CAV3: variants seen among roughly 807,000 people sequenced by gnomAD.
The protein encoded by CAV3 is caveolin-3.
Under a neutral mutation model 13.4 loss-of-function variants are expected in CAV3, and 10 were observed. The observed-to-expected ratio is 0.75, with a 90% CI of 0.46 to 1.27. CAV3 has a LOEUF of 1.27. Among genes scored for constraint, CAV3 ranks in the 50% most tolerant of loss-of-function variants. CAV3 has a pLI of 0.00. For missense variants in CAV3, 162 were observed against 194.0 expected, an observed-to-expected ratio of 0.83 and a Z score of 0.98; for synonymous variants, 90 against 79.0, an observed-to-expected ratio of 1.14 and a Z score of -0.74.
At chr3:8,738,849 C>T (rs1707847884) in intron 1 of CAV3, among the ~76,000 whole-genome samples, 1 of 152,214 alleles carries the variant, frequency 6.6e-6, no homozygotes, top group African/African-American at 2.4e-5. Flanking sequence ...CACAGCACTG[C>T]TCCATGGAAG....
rs1270533646 is a variant in CAV3, at chr3:8,746,707, T to C, written c.*840T>C. 1 of 151,936 alleles carries C rather than the reference T, an allele frequency of 6.6e-6. No individual in the cohort carries two copies. Among genetic ancestry groups the C allele is most frequent in the African/African-American group, 2.4e-5 (1 of 41,288 alleles). The allele number at this position is 151,936 out of a possible 1,614,324, so 9.4% of individuals were successfully genotyped here. On this transcript the variant is annotated 3_prime_UTR_variant, in exon 2 of 2. Transcript: ENST00000343849. Reference sequence around the variant, plus strand: ...CAGGAGATGTGACGAAGGAACAAGGTCTAATTTGTGCGTGTGTGGACTCAC... The same window carrying C: ...CAGGAGATGTGACGAAGGAACAAGGCCTAATTTGTGCGTGTGTGGACTCAC...
intron 1 of CAV3, among the ~76,000 whole-genome samples, chr3:8,739,562 A>T (rs67724427): frequency 0.093 from 14,090 of 151,456 alleles, 882 homozygotes; most frequent in Non-Finnish European, 0.14. Flanking sequence ...AGAGGTTGCC[A>T]TGAGCCGAGA....
intron 1 of CAV3, among the ~76,000 whole-genome samples, chr3:8,739,621 C>CAA (rs35987481): frequency 0.014 from 1,709 of 126,388 alleles, 19 homozygotes; most frequent in Non-Finnish European, 0.021. Flanking sequence ...ATTCCTTCTC[C>CAA]AAAAAAAAAA....
chr3:8,734,692 A>G (rs1707689991), intron 1 of CAV3, among the ~76,000 whole-genome samples: 2 of 152,060 alleles, frequency 1.3e-5, no homozygotes, highest in Non-Finnish European at 2.9e-5. Context: ...CACACCTTCA[A>G]TCCAACTTCC....
intron 1 of CAV3, among the ~76,000 whole-genome samples, chr3:8,743,609 T>C (rs568672422): frequency 2.0e-5 from 3 of 151,932 alleles, no homozygotes; most frequent in Non-Finnish European, 2.9e-5. Context: ...CAGCCCAGAG[T>C]CTCACCCTGT....
At chr3:8,742,536 G>A in intron 1 of CAV3, 1 of 455,026 alleles carries the variant, frequency 2.2e-6, no homozygotes, top group Non-Finnish European at 4.4e-6. Flanking sequence ...TAACTAAGTA[G>A]GCTGGAGAAT....
intron 1 of CAV3, among the ~76,000 whole-genome samples, chr3:8,738,645 T>C (rs1324042693): frequency 6.6e-6 from 1 of 152,020 alleles, no homozygotes; most frequent in Non-Finnish European, 1.5e-5. Context: ...ATCATAAAAA[T>C]GAGAAAAATT....
chr3:8,737,050 G>C (rs1466444036), intron 1 of CAV3, among the ~76,000 whole-genome samples: 1 of 152,166 alleles, frequency 6.6e-6, no homozygotes, highest in African/African-American at 2.4e-5. Flanking sequence ...AGACTGTTCA[G>C]CCTCTCAACT....
rs368151958 is a variant in CAV3, at chr3:8,733,831, G to A, written c.-46G>A. The A allele has an allele frequency of 7.9e-5, 95 of 1,203,882 alleles. No individual in the cohort carries two copies. The highest frequency in any genetic ancestry group is 2.9e-4 in the South Asian group (24 of 82,064). The allele number at this position is 1,203,882 out of a possible 1,614,324, so 74.6% of individuals were successfully genotyped here. On this transcript the variant is annotated 5_prime_UTR_variant, in exon 1 of 2. Coordinates refer to ENST00000343849, the MANE Select transcript of CAV3 (RefSeq NM_033337.3). The stretch of plus-strand genomic sequence containing the variant: ...GCCCCAAGTATTTTCAGCCCCAGCC[G>A]GCCACACAGCTCGGATCTCCTCCTG...
At chr3:8,737,416 A>G (rs1707795059) in intron 1 of CAV3, among the ~76,000 whole-genome samples, 1 of 152,112 alleles carries the variant, frequency 6.6e-6, no homozygotes, top group African/African-American at 2.4e-5. Context: ...CCAAGGATGA[A>G]GAGTAGGAGA....
At chr3:8,740,211 A>G (rs1384822287) in intron 1 of CAV3, among the ~76,000 whole-genome samples, 2 of 152,214 alleles carry the variant, frequency 1.3e-5, no homozygotes, top group East Asian at 3.9e-4. Context: ...CTGAAGGCTT[A>G]GTTCTAGAAC....
chr3:8,744,372 G>A (rs1185586025), intron 1 of CAV3, among the ~76,000 whole-genome samples: 7 of 146,926 alleles, frequency 4.8e-5, no homozygotes, highest in South Asian at 2.2e-4. Flanking sequence ...CCCGCCTCCC[G>A]GGTTTATGCC....
chr3:8,746,117 C>G lies in CAV3; in HGVS notation c.*250C>G. ...CTGGGCGTGGGGGAAGATCATTTGC[C>G]AAGAGGCAGCTACTGCAAGTCTTTG... On this transcript the variant is annotated 3_prime_UTR_variant, in exon 2 of 2. Transcript: ENST00000343849. 2.1e-6 allele frequency: 1 copy of G among 487,228 alleles called. No individual in the cohort carries two copies. Among genetic ancestry groups the G allele is most frequent in the Non-Finnish European group, 3.7e-6 (1 of 269,918 alleles). 30.2% of individuals were successfully genotyped at this position (487,228 alleles called of 1,614,324 possible). A position where few individuals can be genotyped will look rare whatever the true frequency, so the allele number is the denominator to read the frequency against.
intron 1 of CAV3, among the ~76,000 whole-genome samples, chr3:8,734,586 C>T (rs995125417): frequency 1.3e-5 from 2 of 152,160 alleles, no homozygotes; most frequent in African/African-American, 4.8e-5. Flanking sequence ...AGAGAAAGCT[C>T]GGGGTTGTCT....
rs561259452 is a variant in CAV3, at chr3:8,744,301, T to A, written c.115-1225T>A. On this transcript the variant is annotated intron_variant, in intron 1 of 1. Coordinates refer to ENST00000343849, the MANE Select transcript of CAV3 (RefSeq NM_033337.3). Reference sequence around the variant, plus strand: ...TTTTTTTTTTTTTTTTTTTTTGAGATGGAGTCTCGCTCTGTCACCCAGGCT... The same window carrying A: ...TTTTTTTTTTTTTTTTTTTTTGAGAAGGAGTCTCGCTCTGTCACCCAGGCT... Among the ~76,000 whole-genome samples, 11 of 143,008 alleles carry A rather than the reference T, an allele frequency of 7.7e-5. 1 individual carries two copies. In the East Asian group the frequency reaches 2.2e-3, roughly 28 times the overall value. 93.8% of individuals were successfully genotyped at this position (143,008 alleles called of 152,430 possible). A position where few individuals can be genotyped will look rare whatever the true frequency, so the allele number is the denominator to read the frequency against.
At chr3:8,744,255 C>T (rs796981400) in intron 1 of CAV3, among the ~76,000 whole-genome samples, 55 of 150,738 alleles carry the variant, frequency 3.6e-4, no homozygotes, top group African/African-American at 1.3e-3. Context: ...TGGTTCACTG[C>T]TGTTTAATTG....
chr3:8,733,996 C>T lies in CAV3; in HGVS notation c.114+6C>T. ...TTAACGAGGACATAGTCAAGGTAGG[C>T]TCTGCAGGCCTGCCTCGGCGGGCGG... On this transcript the variant is annotated splice_donor_region_variant and intron_variant, in intron 1 of 1. Transcript: ENST00000343849. 6.5e-7 allele frequency: 1 copy of T among 1,537,572 alleles called. No homozygotes were observed. Among genetic ancestry groups the T allele is most frequent in the Non-Finnish European group, 9.0e-7 (1 of 1,110,724 alleles).
At chr3:8,742,382 A>T (rs1337986605) in intron 1 of CAV3, 1 of 357,838 alleles carries the variant, frequency 2.8e-6, no homozygotes, top group African/African-American at 2.2e-5. Flanking sequence ...AAAGAAGAAG[A>T]AGAAGAAGAA....
chr3:8,736,011 G>A lies in CAV3; in HGVS notation c.114+2021G>A, dbSNP rs551649677. ...GAGATAGAGTATACAGTATAGCACA[G>A]TGTGAAAGCTGAAATGAGGAAAATT... is the stretch of plus-strand genomic sequence containing the variant. On this transcript the variant is annotated intron_variant, in intron 1 of 1. Transcript: ENST00000343849. 5.3e-5 allele frequency among the ~76,000 whole-genome samples: 8 copies of A among 152,330 alleles called. No homozygotes were observed. In the East Asian group the frequency reaches 1.2e-3, roughly 22 times the overall value.
Sources: allele counts gnomAD v4.1 joint callset (sites outside exome capture counted in the v4.1 genomes callset), GRCh38; gene constraint gnomAD v4.1.1; transcripts MANE v1.5; gene names NCBI Gene and HGNC (gene_info 2026-07-23, HGNC 2026-07-21).